AP1S3: variants seen among roughly 807,000 people sequenced by gnomAD.
AP1S3 encodes adaptor related protein complex 1 subunit sigma 3.
AP1S3 carries 10 observed loss-of-function variants against 20.9 expected under a neutral mutation model. The ratio of observed to expected loss-of-function variants is 0.48; its 90% CI spans 0.29 to 0.81. The LOEUF (loss-of-function observed/expected upper bound fraction) is 0.81, where lower values mean the gene tolerates loss of function less well. Among genes scored for constraint, AP1S3 ranks in the 30% least tolerant of loss-of-function variants. The pLI, the probability that AP1S3 is intolerant of heterozygous loss-of-function variation, is 0.08. For synonymous variants in AP1S3, 41 were observed against 61.5 expected, an observed-to-expected ratio of 0.67 and a Z score of 1.56; for missense variants, 154 against 183.8, an observed-to-expected ratio of 0.84 and a Z score of 0.94.
chr2:223,775,095 G>A (rs1183702913), intron 3 of AP1S3, among the ~76,000 whole-genome samples: 1 of 151,866 alleles, frequency 6.6e-6, no homozygotes, highest in Non-Finnish European at 1.5e-5. Context: ...GTGCTGCAGC[G>A]AGAAGCAGGT....
chr2:223,789,904 CAG>C (rs1691172939), intron 1 of AP1S3, among the ~76,000 whole-genome samples: 1 of 148,468 alleles, frequency 6.7e-6, no homozygotes, highest in African/African-American at 2.5e-5. Context: ...AAAGATGAAG[CAG>C]AGATAATGGA....
intron 1 of AP1S3, among the ~76,000 whole-genome samples, chr2:223,807,533 C>A (rs1196421200): frequency 1.3e-5 from 2 of 152,110 alleles, no homozygotes; most frequent in Admixed American, 6.5e-5. Context: ...CAACTGAAAT[C>A]CCCAGTGTCA....
Position 223,832,135 on chromosome 2 carries a change from C to CTGTGTGTGTGTGTG in AP1S3, c.3+5299_3+5312dup, listed in dbSNP as rs774812162. On this transcript the variant is annotated intron_variant, in intron 1 of 4. Coordinates refer to ENST00000396654, the MANE Select transcript of AP1S3 (RefSeq NM_001039569.2). ...GGGGATTATTAAAGGAGTTTTCTCTCTGTGTGTGTGTGTGTGTGTGTGTGT... is the reference window on the plus strand; with the variant it reads ...GGGGATTATTAAAGGAGTTTTCTCTCTGTGTGTGTGTGTGTGTGTGTGTGTGTGTGTGTGTGTGT... Among the ~76,000 whole-genome samples the CTGTGTGTGTGTGTG allele has an allele frequency of 4.2e-4, 30 of 70,776 alleles. 1 individual carries two copies. Among genetic ancestry groups the CTGTGTGTGTGTGTG allele is most frequent in the Middle Eastern group, 7.4e-3 (1 of 136 alleles). The allele number at this position is 70,776 out of a possible 152,430, so 46.4% of individuals were successfully genotyped here.
At chr2:223,783,607 C>T (rs188421808) in intron 1 of AP1S3, among the ~76,000 whole-genome samples, 1 of 152,212 alleles carries the variant, frequency 6.6e-6, no homozygotes. Context: ...TGCGCCCTGG[C>T]CGGTGTCCGC....
At chr2:223,816,597 G>C (rs1411950384) in intron 1 of AP1S3, among the ~76,000 whole-genome samples, 1 of 152,190 alleles carries the variant, frequency 6.6e-6, no homozygotes, top group Non-Finnish European at 1.5e-5. Flanking sequence ...GTAAGTGGCA[G>C]GGAGAGATTC....
intron 3 of AP1S3, chr2:223,773,172 C>A (rs1164011446): frequency 5.4e-6 from 4 of 738,114 alleles, no homozygotes; most frequent in Non-Finnish European, 7.7e-6. Context: ...AGATATCTGG[C>A]TGAAATTTGG....
intron 1 of AP1S3, among the ~76,000 whole-genome samples, chr2:223,782,357 C>A (rs866716003): frequency 6.6e-6 from 1 of 152,080 alleles, no homozygotes. Context: ...ACAAAATAAA[C>A]CCAGTTTTAT....
intron 1 of AP1S3, among the ~76,000 whole-genome samples, chr2:223,803,442 G>GT (rs1286108539): frequency 6.6e-6 from 1 of 152,120 alleles, no homozygotes; most frequent in South Asian, 2.1e-4. Flanking sequence ...CAACTCATTG[G>GT]TTTTTTCCTA....
chr2:223,775,953 G>A lies in AP1S3; in HGVS notation c.239C>T (p.Thr80Met), dbSNP rs370314390. 9.0e-5 allele frequency: 146 copies of A among 1,614,106 alleles called. No homozygotes were observed. Among genetic ancestry groups the A allele is most frequent in the South Asian group, 2.4e-4 (22 of 91,068 alleles). Reference sequence around the variant, plus strand: ...CACGTAACGATGCACAATCTCTAGCGTCAAGAGCTCATTGTCCTGATTTTC... The same window carrying A: ...CACGTAACGATGCACAATCTCTAGCATCAAGAGCTCATTGTCCTGATTTTC... Reference protein sequence around the residue: ...AIENQDNELLTLEIVHRYVEL... With the variant: ...AIENQDNELLMLEIVHRYVEL... Residue 80 changes from threonine (T) to methionine (M), a missense_variant, in exon 3 of 5, where the codon ACG becomes ATG. Transcript: ENST00000396654.
chr2:223,756,704 TTGG>T lies in AP1S3; in HGVS notation c.*2008_*2010del. ...TTTGAACAATGGTTATATTGAGGAA[TTGG>T]TGAATTTTTCCCTTTGTTCTCCTGC... On this transcript the variant is annotated 3_prime_UTR_variant, in exon 5 of 5. Transcript: ENST00000396654. The T allele has an allele frequency of 1.0e-6, 1 of 985,424 alleles. No individual in the cohort carries two copies. Among genetic ancestry groups the T allele is most frequent in the Non-Finnish European group, 1.2e-6 (1 of 829,914 alleles). 61.0% of individuals were successfully genotyped at this position (985,424 alleles called of 1,614,324 possible).
chr2:223,808,744 G>A (rs1209033478), intron 1 of AP1S3, among the ~76,000 whole-genome samples: 2 of 152,138 alleles, frequency 1.3e-5, no homozygotes, highest in Non-Finnish European at 2.9e-5. Flanking sequence ...AGAAGCTCAC[G>A]CCTGTAATTC....
chr2:223,818,761 C>T (rs1382483765), intron 1 of AP1S3, among the ~76,000 whole-genome samples: 1 of 152,202 alleles, frequency 6.6e-6, no homozygotes, highest in Admixed American at 6.5e-5. Context: ...ACCATGTTGG[C>T]CAGGCTGGTC....
intron 1 of AP1S3, among the ~76,000 whole-genome samples, chr2:223,821,872 T>A (rs1691994563): frequency 6.6e-6 from 1 of 152,184 alleles, no homozygotes; most frequent in African/African-American, 2.4e-5. Context: ...TTGTAGCCAA[T>A]AACAGACTGA....
At chr2:223,837,232 C>G (rs1692424625) in intron 1 of AP1S3, among the ~76,000 whole-genome samples, 1 of 151,666 alleles carries the variant, frequency 6.6e-6, no homozygotes, top group Middle Eastern at 3.4e-3. Context: ...CGCGGCGCCG[C>G]GGCGCCGCGT....
chr2:223,758,232 T>A lies in AP1S3; in HGVS notation c.*483A>T. 1.0e-6 allele frequency: 1 copy of A among 979,494 alleles called. No individual in the cohort carries two copies. Among genetic ancestry groups the A allele is most frequent in the South Asian group, 4.7e-5 (1 of 21,152 alleles). The allele number at this position is 979,494 out of a possible 1,614,324, so 60.7% of individuals were successfully genotyped here. Reference sequence around the variant, plus strand: ...TACTATTAAGTGTATGAAAAATGTCTAGCATTACATATAAACTCTGCACTA... The same window carrying A: ...TACTATTAAGTGTATGAAAAATGTCAAGCATTACATATAAACTCTGCACTA... On this transcript the variant is annotated 3_prime_UTR_variant, in exon 5 of 5. Transcript: ENST00000396654.
intron 1 of AP1S3, among the ~76,000 whole-genome samples, chr2:223,802,934 A>G (rs1691501293): frequency 6.6e-6 from 1 of 152,250 alleles, no homozygotes; most frequent in African/African-American, 2.4e-5. Flanking sequence ...GGTAGAACCA[A>G]AGTAAGATTG....
chr2:223,772,192 C>T (rs1690648160), intron 3 of AP1S3, among the ~76,000 whole-genome samples: 1 of 152,200 alleles, frequency 6.6e-6, no homozygotes, highest in Non-Finnish European at 1.5e-5. Flanking sequence ...TTAAGTATTG[C>T]TATCACGCCA....
At chr2:223,821,686 A>C (rs1270933777) in intron 1 of AP1S3, among the ~76,000 whole-genome samples, 1 of 152,138 alleles carries the variant, frequency 6.6e-6, no homozygotes, top group Non-Finnish European at 1.5e-5. Context: ...CCCTCCAGCC[A>C]GCTATGGACA....
intron 1 of AP1S3, among the ~76,000 whole-genome samples, chr2:223,835,595 C>T (rs1692377109): frequency 6.6e-6 from 1 of 152,082 alleles, no homozygotes; most frequent in Non-Finnish European, 1.5e-5. Flanking sequence ...ATGGAGGTTG[C>T]AGTGAGCCAA....
Sources: gnomAD v4.1 joint callset for allele counts (sites outside exome capture counted in the v4.1 genomes callset) on GRCh38, gnomAD v4.1.1 for gene constraint, MANE v1.5 for transcripts, NCBI Gene and HGNC (gene_info 2026-07-23, HGNC 2026-07-21) for gene names.